Variants in GLI3 observed in about 807,000 individuals in gnomAD.
GLI3 encodes the protein GLI family zinc finger 3.
In GLI3, 20 loss-of-function variants were observed where a neutral mutation model predicts 100.8. That is an observed-to-expected ratio of 0.20 (90% CI 0.14 to 0.29). GLI3 has a LOEUF of 0.29. Ranked by LOEUF, GLI3 falls within the 10% of genes least tolerant of loss-of-function variation. The probability of loss-of-function intolerance (pLI) is 1.00; values close to 1 mark genes in which losing one functional copy is unlikely to be tolerated. For synonymous variants in GLI3, 938 were observed against 860.5 expected (o/e 1.09, Z -1.58); for missense variants, 2,040 against 2,128.5 (o/e 0.96, Z 0.82).
intron 10 of GLI3, among the ~76,000 whole-genome samples, chr7:42,014,937 G>T (rs985861515): frequency 6.6e-6 from 1 of 152,224 alleles, no homozygotes; most frequent in Non-Finnish European, 1.5e-5. Context: ...ATTTTTAAAT[G>T]TTCATAAAAG....
intron 2 of GLI3, among the ~76,000 whole-genome samples, chr7:42,154,868 C>T (rs992158357): frequency 2.0e-5 from 3 of 152,176 alleles, no homozygotes; most frequent in Non-Finnish European, 2.9e-5. Context: ...CCAATACCCT[C>T]GGGGTCAGAC....
chr7:42,060,371 C>T (rs547497661), intron 4 of GLI3, among the ~76,000 whole-genome samples: 165 of 152,088 alleles, frequency 1.1e-3, no homozygotes, highest in African/African-American at 3.7e-3. Flanking sequence ...TTAGGCGCAC[C>T]CATCTCATGT....
intron 4 of GLI3, among the ~76,000 whole-genome samples, chr7:42,068,449 G>A (rs890633485): frequency 2.6e-5 from 4 of 152,178 alleles, no homozygotes; most frequent in African/African-American, 9.7e-5. Flanking sequence ...CCAAGGATGA[G>A]TTTCAAAATC....
chr7:41,992,415 G>A (rs974186486), intron 10 of GLI3, among the ~76,000 whole-genome samples: 1 of 152,108 alleles, frequency 6.6e-6, no homozygotes, highest in Non-Finnish European at 1.5e-5. Flanking sequence ...GGACATCTCT[G>A]GTAGAGAGAT....
At chr7:42,190,577 G>T (rs185759487) in intron 2 of GLI3, among the ~76,000 whole-genome samples, 36 of 152,268 alleles carry the variant, frequency 2.4e-4, no homozygotes, top group Non-Finnish European at 4.7e-4. Context: ...TCAGACCCTG[G>T]TAGCGTTGTG....
intron 3 of GLI3, among the ~76,000 whole-genome samples, chr7:42,082,158 G>A (rs749188593): frequency 4.6e-5 from 7 of 151,840 alleles, no homozygotes; most frequent in Non-Finnish European, 1.0e-4. Context: ...AGGGAGAGAA[G>A]AGGAGAGACA....
At chr7:42,240,441 A>G (rs1004634655), upstream of GLI3, among the ~76,000 whole-genome samples, 1 of 152,188 alleles carries the variant, frequency 6.6e-6, no homozygotes, top group African/African-American at 2.4e-5. Context: ...AGAGGCTTGA[A>G]GTCCAAAAGT....
chr7:42,007,222 T>TAA (rs35750462), intron 10 of GLI3, among the ~76,000 whole-genome samples: 26,733 of 122,480 alleles, frequency 0.22, 3,025 homozygotes, highest in East Asian at 0.41. Context: ...GGAGGAAATT[T>TAA]AAAAAAAAAA....
chr7:42,219,851 CTCT>C lies in GLI3; in HGVS notation c.124+3276_124+3278del, dbSNP rs1441398717. ...CATTCATTTGGTTTTTGAAACTGAA[CTCT>C]TTTTTTTTTTTTTTTTTGAGACAGA... On this transcript the variant is annotated intron_variant, in intron 2 of 14. Transcript: ENST00000395925. Among the ~76,000 whole-genome samples the C allele has an allele frequency of 2.1e-3, 309 of 148,950 alleles. 3 individuals carry two copies. The highest frequency in any genetic ancestry group is 7.5e-3 in the African/African-American group (298 of 39,818).
intron 2 of GLI3, 142 bp downstream of exon 2, chr7:42,222,988 C>G: frequency 8.8e-6 from 8 of 908,838 alleles, no homozygotes; most frequent in Non-Finnish European, 8.8e-6. Flanking sequence ...CCCCCGCCGT[C>G]CCCCCGCCCC....
chr7:42,175,060 G>GC (rs1363190100), intron 2 of GLI3, among the ~76,000 whole-genome samples: 1 of 151,986 alleles, frequency 6.6e-6, no homozygotes, highest in African/African-American at 2.4e-5. Flanking sequence ...CGCACCTTGT[G>GC]CAACTGTTTG....
intron 6 of GLI3, among the ~76,000 whole-genome samples, chr7:42,042,784 T>G (rs968508432): frequency 6.6e-6 from 1 of 152,142 alleles, no homozygotes; most frequent in African/African-American, 2.4e-5. Context: ...CCTCTCTGTG[T>G]TTTTCCCTCC....
chr7:42,233,393 T>C (rs570707833), intron 1 of GLI3, among the ~76,000 whole-genome samples: 2 of 152,338 alleles, frequency 1.3e-5, no homozygotes, highest in East Asian at 3.9e-4. Context: ...ATCTGAGGCA[T>C]GCCCTCAAGG....
chr7:42,052,483 G>A (rs77157771), intron 4 of GLI3, among the ~76,000 whole-genome samples: 3,263 of 152,218 alleles, frequency 0.021, 63 homozygotes, highest in Admixed American at 0.054. Flanking sequence ...GGGATTTGAA[G>A]GTTTCTTCAC....
Position 41,964,878 on chromosome 7 carries a change from T to C in GLI3, c.4195A>G (p.Arg1399Gly). 1 of 1,613,838 alleles carries C rather than the reference T, an allele frequency of 6.2e-7. No individual in the cohort carries two copies. The highest frequency in any genetic ancestry group is 8.5e-7 in the Non-Finnish European group (1 of 1,180,004). Reference protein sequence around the residue: ...FGGSRRQAMPRDSLALQSGQL... With the variant: ...FGGSRRQAMPGDSLALQSGQL... ...CCTGACTGCAGAGCAAGGCTGTCCC[T>C]CGGCATAGCCTGGCGCCTGCTGCCC... The change falls in exon 15 of 15, where the codon AGG becomes GGG. Residue 1399 changes from arginine to glycine, a missense_variant. Arg to Gly is a moderately radical substitution (Grantham distance 125). Around this residue, in one of 5 missense-constraint regions of GLI3, gnomAD observed 1,041 missense variants for 924.0 expected, o/e 1.13. Coordinates refer to ENST00000395925, the MANE Select transcript of GLI3 (RefSeq NM_000168.6).
In GLI3 at chr7:42,092,895, C is replaced by A. The variant is rs934550838; in HGVS notation, c.368-16038G>T. On this transcript the variant is annotated intron_variant, in intron 3 of 14. Coordinates refer to ENST00000395925, the MANE Select transcript of GLI3 (RefSeq NM_000168.6). ...GTGGTGCGATCTCAGCTCACTGCAACCTCCGTCTCTGGAGTTCAAGCAATT... is the reference window on the plus strand; with the variant it reads ...GTGGTGCGATCTCAGCTCACTGCAAACTCCGTCTCTGGAGTTCAAGCAATT... 7.3e-4 allele frequency among the ~76,000 whole-genome samples: 111 copies of A among 151,758 alleles called. 1 individual carries two copies. Among genetic ancestry groups the A allele is most frequent in the Non-Finnish European group, 2.2e-4 (15 of 67,976 alleles).
chr7:42,026,420 G>A lies in GLI3; in HGVS notation c.1029-8C>T. On this transcript the variant is annotated splice_region_variant and splice_polypyrimidine_tract_variant and intron_variant, in intron 7 of 14. Transcript: ENST00000395925. ...GTGAAGCTCAAGGCAGGGCTGCACG[G>A]GGGAGATAAAAAAAGACGATCATCA... The A allele has an allele frequency of 2.5e-6, 4 of 1,610,788 alleles. No homozygotes were observed. Among genetic ancestry groups the A allele is most frequent in the Non-Finnish European group, 2.5e-6 (3 of 1,177,344 alleles).
Position 42,164,258 on chromosome 7 carries a change from C to G in GLI3, c.125-15790G>C, listed in dbSNP as rs141397166. Among the ~76,000 whole-genome samples, 470 of 152,340 alleles carry G rather than the reference C, an allele frequency of 3.1e-3. 2 individuals are homozygous for G. The highest frequency in any genetic ancestry group is 0.023 in the East Asian group (121 of 5,180). ...TCTAAAGACCAGACATGGTGGCTCA[C>G]ACCTGTAATCCCAGCACTTTGGGAG... On this transcript the variant is annotated intron_variant, in intron 2 of 14. Transcript: ENST00000395925.
chr7:42,220,735 T>C (rs1420994024), intron 2 of GLI3, among the ~76,000 whole-genome samples: 1 of 152,264 alleles, frequency 6.6e-6, no homozygotes, highest in East Asian at 1.9e-4. Context: ...CTTTTACTTG[T>C]TCCTCTCTTT....
Sources: gnomAD v4.1 joint callset for allele counts (sites outside exome capture counted in the v4.1 genomes callset) on GRCh38, gnomAD v4.1.1 for gene constraint, gnomAD v4.1.1 regional missense constraint, MANE v1.5 for transcripts, NCBI Gene and HGNC (gene_info 2026-07-23, HGNC 2026-07-21) for gene names.